KPNA4: variants seen among roughly 807,000 people sequenced by gnomAD.
The protein encoded by KPNA4 is karyopherin subunit alpha 4, also known as importin subunit alpha-3.
KPNA4 carries 13 observed loss-of-function variants against 71.3 expected under a neutral mutation model. The ratio of observed to expected loss-of-function variants is 0.18; its 90% CI spans 0.12 to 0.29. The LOEUF is 0.29. KPNA4 is among the 10% of genes least tolerant of loss of function. The pLI, the probability that KPNA4 is intolerant of heterozygous loss-of-function variation, is 1.00. For synonymous variants in KPNA4, 189 were observed against 195.2 expected (o/e 0.97, Z 0.26); for missense variants, 334 against 603.2 (o/e 0.55, Z 4.67).
chr3:160,508,882 C>T (rs912830203), intron 14 of KPNA4, among the ~76,000 whole-genome samples: 2 of 152,070 alleles, frequency 1.3e-5, no homozygotes, highest in African/African-American at 4.8e-5. Flanking sequence ...CTCACATGTG[C>T]CTGGCTACCT....
intron 1 of KPNA4, among the ~76,000 whole-genome samples, chr3:160,561,426 G>A (rs947955680): frequency 1.3e-5 from 2 of 151,826 alleles, no homozygotes; most frequent in African/African-American, 4.8e-5. Flanking sequence ...ACTAAGACTG[G>A]GGATCTTCTA....
intron 14 of KPNA4, 143 bp downstream of exon 14, chr3:160,509,657 C>A: frequency 7.8e-6 from 5 of 642,902 alleles, no homozygotes. Flanking sequence ...GTCACAAAAC[C>A]CTGGCCTCGG....
At position 160,500,102 on chromosome 3, in the gene KPNA4, C is replaced by T. The variant is rs769034584; in HGVS notation, c.*2002G>A. ...AAAAAGACAGGAAGCTAATGTAAGC[C>T]ATTGAATTATACTCTAACTTTATAA... On this transcript the variant is annotated 3_prime_UTR_variant, in exon 17 of 17. Transcript: ENST00000334256. 17 of 151,536 alleles carry T rather than the reference C, an allele frequency of 1.1e-4. No homozygotes were observed. Among genetic ancestry groups the T allele is most frequent in the Middle Eastern group, 3.4e-3 (1 of 294 alleles). The allele number at this position is 151,536 out of a possible 1,614,324, so 9.4% of individuals were successfully genotyped here.
intron 5 of KPNA4, among the ~76,000 whole-genome samples, chr3:160,532,038 C>T (rs1330788827): frequency 5.3e-5 from 8 of 152,202 alleles, no homozygotes; most frequent in African/African-American, 1.9e-4. Flanking sequence ...GTGATCCACC[C>T]GTCTTGGCCT....
intron 1 of KPNA4, among the ~76,000 whole-genome samples, chr3:160,546,450 C>T (rs1027662576): frequency 1.3e-5 from 2 of 151,788 alleles, no homozygotes; most frequent in East Asian, 1.9e-4. Flanking sequence ...CCCAGGCGGC[C>T]GAGGTTGCAG....
At chr3:160,509,565 T>G (rs1220830716) in intron 14 of KPNA4, among the ~76,000 whole-genome samples, 1 of 152,194 alleles carries the variant, frequency 6.6e-6, no homozygotes, top group Non-Finnish European at 1.5e-5. Context: ...TATATACCTG[T>G]TATATAAAAG....
At chr3:160,555,822 A>C (rs945709163) in intron 1 of KPNA4, among the ~76,000 whole-genome samples, 1 of 151,540 alleles carries the variant, frequency 6.6e-6, no homozygotes, top group African/African-American at 2.4e-5. Context: ...TATTTATTTA[A>C]ATTATTTATA....
chr3:160,528,262 A>T (rs528891740), intron 7 of KPNA4, among the ~76,000 whole-genome samples: 4 of 152,194 alleles, frequency 2.6e-5, no homozygotes, highest in African/African-American at 4.8e-5. Context: ...GTGTTAAATT[A>T]GGCTTGTGAA....
chr3:160,545,374 G>A (rs1336940256), intron 1 of KPNA4, among the ~76,000 whole-genome samples: 2 of 151,590 alleles, frequency 1.3e-5, no homozygotes, highest in African/African-American at 4.8e-5. Context: ...AGTGTTCTGA[G>A]TGTTAAGGAG....
intron 1 of KPNA4, among the ~76,000 whole-genome samples, chr3:160,557,660 A>G (rs144054690): frequency 8.1e-4 from 123 of 152,300 alleles, no homozygotes; most frequent in African/African-American, 2.9e-3. Context: ...GTAATAGAAA[A>G]TAAGTCAGCA....
At chr3:160,551,762 G>T (rs894785015) in intron 1 of KPNA4, among the ~76,000 whole-genome samples, 1 of 152,148 alleles carries the variant, frequency 6.6e-6, no homozygotes, top group African/African-American at 2.4e-5. Context: ...GAACTTTTCA[G>T]TGCCTCTTAG....
intron 8 of KPNA4, among the ~76,000 whole-genome samples, chr3:160,526,388 T>C (rs947804280): frequency 3.3e-5 from 5 of 152,248 alleles, no homozygotes; most frequent in African/African-American, 1.2e-4. Context: ...ACTCTTGGTT[T>C]AACAAACTTT....
Position 160,502,075 on chromosome 3 carries a change from G to A in KPNA4, c.*29C>T, listed in dbSNP as rs369293213. 5.4e-5 allele frequency: 54 copies of A among 997,580 alleles called. No homozygotes were observed. The highest frequency in any genetic ancestry group is 3.5e-4 in the Admixed American group (20 of 56,626). 61.8% of individuals were successfully genotyped at this position (997,580 alleles called of 1,614,324 possible). A position where few individuals can be genotyped will look rare whatever the true frequency, so the allele number is the denominator to read the frequency against. On this transcript the variant is annotated 3_prime_UTR_variant, in exon 17 of 17. Coordinates refer to ENST00000334256, the MANE Select transcript of KPNA4 (RefSeq NM_002268.5). ...ATATATATATATATATCTCAGTGCT[G>A]CATTGTACCTAACTTCCACAACATC... is the stretch of plus-strand genomic sequence containing the variant.
At chr3:160,559,898 CT>C (rs1722209062) in intron 1 of KPNA4, among the ~76,000 whole-genome samples, 1 of 151,968 alleles carries the variant, frequency 6.6e-6, no homozygotes, top group South Asian at 2.1e-4. Context: ...GAAAAATGTC[CT>C]TATTTTATAG....
intron 1 of KPNA4, among the ~76,000 whole-genome samples, chr3:160,563,186 T>C (rs1308127296): frequency 1.1e-5 from 1 of 93,120 alleles, no homozygotes; most frequent in Non-Finnish European, 2.8e-5. Context: ...CATTGGATCA[T>C]TCGGCCATAA....
intron 1 of KPNA4, among the ~76,000 whole-genome samples, chr3:160,548,272 C>T (rs1469595989): frequency 6.6e-6 from 1 of 151,954 alleles, no homozygotes; most frequent in Non-Finnish European, 1.5e-5. Context: ...CTATCTTAAC[C>T]ACTTTAAAAT....
chr3:160,507,831 C>G (rs1430921772), intron 15 of KPNA4, among the ~76,000 whole-genome samples: 1 of 152,216 alleles, frequency 6.6e-6, no homozygotes. Flanking sequence ...TTTATCAAGA[C>G]TAGACTACAT....
intron 1 of KPNA4, among the ~76,000 whole-genome samples, chr3:160,549,850 C>T (rs1293622856): frequency 6.6e-6 from 1 of 152,176 alleles, no homozygotes; most frequent in Non-Finnish European, 1.5e-5. Flanking sequence ...CTTTGAGTAT[C>T]ATGGACATTT....
At chr3:160,536,684 C>T in intron 2 of KPNA4, 112 bp downstream of exon 2, 4 of 533,824 alleles carry the variant, frequency 7.5e-6, no homozygotes. Context: ...TTTAGTTATA[C>T]AATAGGTTAT....
Sources: allele counts gnomAD v4.1 joint callset (sites outside exome capture counted in the v4.1 genomes callset), GRCh38; gene constraint gnomAD v4.1.1; transcripts MANE v1.5; gene names NCBI Gene and HGNC (gene_info 2026-07-23, HGNC 2026-07-21).